PDE3A: variants seen among roughly 807,000 people sequenced by gnomAD.
PDE3A encodes the protein phosphodiesterase 3A.
Under a neutral mutation model 98.3 loss-of-function variants are expected in PDE3A, and 43 were observed. The observed-to-expected ratio is 0.44, with a 90% CI of 0.34 to 0.56. The LOEUF (loss-of-function observed/expected upper bound fraction) is 0.56, where lower values mean the gene tolerates loss of function less well. Ranked by LOEUF, PDE3A falls within the 20% of genes least tolerant of loss-of-function variation. The pLI is 0.01. For missense variants in PDE3A, 1,427 were observed against 1,440.7 expected (o/e 0.99, Z 0.15); for synonymous variants, 663 against 567.9 (o/e 1.17, Z -2.38).
chr12:20,660,141 C>T (rs113039668), intron 15 of PDE3A, among the ~76,000 whole-genome samples: 3,199 of 152,188 alleles, frequency 0.021, 100 homozygotes, highest in African/African-American at 0.072. Context: ...ACAAGATTTG[C>T]TGGTTTTATA....
intron 1 of PDE3A, among the ~76,000 whole-genome samples, chr12:20,453,954 G>A (rs1290880609): frequency 1.3e-5 from 2 of 152,158 alleles, no homozygotes; most frequent in African/African-American, 2.4e-5. Flanking sequence ...TCCTTTGAAA[G>A]GTGAATCAGA....
At chr12:20,551,542 A>G (rs1326287645) in intron 1 of PDE3A, 12 of 1,323,926 alleles carry the variant, frequency 9.1e-6, no homozygotes, top group Non-Finnish European at 1.1e-5. Context: ...AGACTCTGGC[A>G]TGCTAACTAG....
At chr12:20,551,914 A>C (rs1942215600) in intron 1 of PDE3A, 1 of 1,613,342 alleles carries the variant, frequency 6.2e-7, no homozygotes, top group Non-Finnish European at 8.5e-7. Flanking sequence ...CGTGGGCACC[A>C]TGTGGCGGTT....
intron 1 of PDE3A, among the ~76,000 whole-genome samples, chr12:20,439,349 G>A (rs1216961022): frequency 6.6e-6 from 1 of 152,038 alleles, no homozygotes; most frequent in Non-Finnish European, 1.5e-5. Context: ...AATTTTGTCT[G>A]TTTATATCCA....
intron 12 of PDE3A, 146 bp from the exon 13 acceptor site, chr12:20,648,542 A>G (rs1944829319): frequency 1.6e-6 from 1 of 632,392 alleles, no homozygotes; most frequent in East Asian, 2.7e-5. Context: ...TTGTACAGTA[A>G]TAAGTGATTC....
At chr12:20,639,438 T>A (rs1944597737) in intron 9 of PDE3A, among the ~76,000 whole-genome samples, 1 of 152,100 alleles carries the variant, frequency 6.6e-6, no homozygotes, top group Non-Finnish European at 1.5e-5. Context: ...ACTTGCTAAG[T>A]AGAACTTTTT....
intron 1 of PDE3A, among the ~76,000 whole-genome samples, chr12:20,431,353 G>T (rs1443849792): frequency 6.6e-6 from 1 of 152,112 alleles, no homozygotes. Context: ...GGCCATGTAT[G>T]TTCATGAGGG....
intron 2 of PDE3A, among the ~76,000 whole-genome samples, chr12:20,569,039 T>C (rs1429945696): frequency 6.6e-6 from 1 of 152,040 alleles, no homozygotes; most frequent in Non-Finnish European, 1.5e-5. Context: ...TGTGTATAAA[T>C]GGGTTATTCT....
chr12:20,560,401 G>A (rs1454588758), intron 2 of PDE3A, among the ~76,000 whole-genome samples: 2 of 152,140 alleles, frequency 1.3e-5, no homozygotes, highest in Admixed American at 6.5e-5. Context: ...GTTACACCAA[G>A]GAGAGGAATG....
intron 1 of PDE3A, among the ~76,000 whole-genome samples, chr12:20,439,710 A>G (rs1251867387): frequency 6.6e-6 from 1 of 152,194 alleles, no homozygotes; most frequent in Admixed American, 6.5e-5. Flanking sequence ...ATGTTTGCAA[A>G]GTACAAGTTT....
chr12:20,659,093 C>T (rs529572417), intron 15 of PDE3A, among the ~76,000 whole-genome samples: 2 of 152,132 alleles, frequency 1.3e-5, no homozygotes, highest in East Asian at 3.9e-4. Flanking sequence ...TCTGTGTTTC[C>T]AAAGTATCCT....
At chr12:20,568,605 A>G (rs1942719228) in intron 2 of PDE3A, among the ~76,000 whole-genome samples, 1 of 151,998 alleles carries the variant, frequency 6.6e-6, no homozygotes, top group African/African-American at 2.4e-5. Flanking sequence ...ATGTGACACA[A>G]CATTTCAAAC....
chr12:20,637,788 C>G (rs944797102), intron 9 of PDE3A, among the ~76,000 whole-genome samples: 1 of 152,050 alleles, frequency 6.6e-6, no homozygotes, highest in African/African-American at 2.4e-5. Flanking sequence ...AGACTACTCT[C>G]AAGGCTTTTC....
At chr12:20,549,940 T>C (rs1942155520) in intron 1 of PDE3A, among the ~76,000 whole-genome samples, 2 of 152,162 alleles carry the variant, frequency 1.3e-5, no homozygotes, top group African/African-American at 4.8e-5. Flanking sequence ...AATTACCAAA[T>C]TGATCTTATC....
Position 20,630,128 on chromosome 12 carries a change from G to A in PDE3A, c.1760+1G>A. 6.3e-7 allele frequency: 1 copy of A among 1,596,358 alleles called. No individual in the cohort carries two copies. Among genetic ancestry groups the A allele is most frequent in the Non-Finnish European group, 8.6e-7 (1 of 1,164,150 alleles). ...TGACTCCACCTGTTATATGTAGCAG[G>A]TAAGGATTTTTTATGAACTGAAGTT... On this transcript the variant is annotated splice_donor_variant, in intron 6 of 15. Transcript: ENST00000359062. LOFTEE classifies it high-confidence loss of function.
intron 1 of PDE3A, among the ~76,000 whole-genome samples, chr12:20,383,300 T>G (rs533735962): frequency 2.0e-5 from 3 of 152,054 alleles, no homozygotes; most frequent in African/African-American, 7.2e-5. Flanking sequence ...TTTAGTTTCA[T>G]TTTTCATGGT....
intron 1 of PDE3A, among the ~76,000 whole-genome samples, chr12:20,481,966 G>C (rs998506316): frequency 6.6e-6 from 1 of 151,392 alleles, no homozygotes; most frequent in East Asian, 1.9e-4. Flanking sequence ...GGATTTCACC[G>C]TGTTAGCCAG....
intron 1 of PDE3A, among the ~76,000 whole-genome samples, chr12:20,465,602 G>T (rs767438298): frequency 2.0e-5 from 3 of 151,970 alleles, no homozygotes; most frequent in Non-Finnish European, 2.9e-5. Flanking sequence ...GTAGAGATGG[G>T]GTTTCACCAT....
rs78711217 is a variant in PDE3A at position 20,614,392 on chromosome 12, G to C, written c.1269+692G>C. Among the ~76,000 whole-genome samples, 11 of 152,220 alleles carry C rather than the reference G, an allele frequency of 7.2e-5. No homozygotes were observed. The East Asian group carries it at 2.1e-3, about 29-fold the overall frequency. ...ATATTAAAGACAAATCAGTGTCAGT[G>C]GTCTCTGGTATATTCAGCACAGTTA... On this transcript the variant is annotated intron_variant, in intron 3 of 15. Coordinates refer to ENST00000359062, the MANE Select transcript of PDE3A (RefSeq NM_000921.5).
Sources: allele counts gnomAD v4.1 joint callset (sites outside exome capture counted in the v4.1 genomes callset), GRCh38; gene constraint gnomAD v4.1.1; transcripts MANE v1.5; gene names NCBI Gene and HGNC (gene_info 2026-07-23, HGNC 2026-07-21).